The following ABCF3 variants were observed in gnomAD, a reference collection of about 807,000 sequenced individuals.
ABCF3 encodes ATP binding cassette subfamily F member 3, also known as ATP-binding cassette sub-family F member 3.
A neutral mutation model predicts 94.3 loss-of-function variants in ABCF3; 62 were observed. The observed-to-expected ratio is 0.66, with a 90% CI of 0.54 to 0.81. The LOEUF (loss-of-function observed/expected upper bound fraction) is 0.81, where lower values mean the gene tolerates loss of function less well. Among genes scored for constraint, ABCF3 ranks in the 40% least tolerant of loss-of-function variants. The pLI, the probability that ABCF3 is intolerant of heterozygous loss-of-function variation, is 0.00. For synonymous variants in ABCF3, 355 were observed against 361.1 expected (o/e 0.98, Z 0.19); for missense variants, 843 against 925.3 (o/e 0.91, Z 1.15).
At position 184,189,835 on chromosome 3, in the gene ABCF3, C is replaced by G. The variant is rs987847471; in HGVS notation, c.1315-20C>G. On this transcript the variant is annotated intron_variant, in intron 13 of 20. Transcript: ENST00000429586. ...GATAGTGGGGGAATTTGACCAATGC[C>G]TACACTCCTCCACCTGCAGGTTTTC... 6.2e-7 allele frequency: 1 copy of G among 1,614,050 alleles called. No individual in the cohort carries two copies. The highest frequency in any genetic ancestry group is 1.3e-5 in the African/African-American group (1 of 74,940).
At chr3:184,192,549 AC>A in intron 16 of ABCF3, 51 bp from the exon 17 acceptor site, 1 of 1,515,322 alleles carries the variant, frequency 6.6e-7, no homozygotes, top group African/African-American at 1.4e-5. Flanking sequence ...ATGAGAACAT[AC>A]CGTATTTATT....
chr3:184,191,749 C>CTTTTTTT lies in ABCF3; in HGVS notation c.1569+502_1569+508dup, dbSNP rs375009324. Among the ~76,000 whole-genome samples, 28 of 114,710 alleles carry CTTTTTTT rather than the reference C, an allele frequency of 2.4e-4. 1 individual carries two copies. Among genetic ancestry groups the CTTTTTTT allele is most frequent in the African/African-American group, 4.8e-4 (13 of 27,314 alleles). The allele number at this position is 114,710 out of a possible 152,430, so 75.3% of individuals were successfully genotyped here. A position where few individuals can be genotyped will look rare whatever the true frequency, so the allele number is the denominator to read the frequency against. On this transcript the variant is annotated intron_variant, in intron 16 of 20. Transcript: ENST00000429586. The stretch of plus-strand genomic sequence containing the variant: ...GCATTTTTCTGTAGAGTTAGAGTTC[C>CTTTTTTT]TTTTTTTTTTTTTTCGGAGACAGAG...
At chr3:184,188,629 G>A in intron 7 of ABCF3, 132 bp from the exon 8 acceptor site, 1 of 1,077,590 alleles carries the variant, frequency 9.3e-7, no homozygotes, top group Non-Finnish European at 1.3e-6. Flanking sequence ...AATGAGCACT[G>A]TGCAAACCCT....
In ABCF3 at chr3:184,193,861, G is replaced by A; in HGVS notation, c.*163G>A. 1 of 984,326 alleles carries A rather than the reference G, an allele frequency of 1.0e-6. No individual in the cohort carries two copies. Among genetic ancestry groups the A allele is most frequent in the Non-Finnish European group, 1.4e-6 (1 of 690,704 alleles). 61.0% of individuals were successfully genotyped at this position (984,326 alleles called of 1,614,324 possible). On this transcript the variant is annotated 3_prime_UTR_variant, in exon 21 of 21. Transcript: ENST00000429586. The surrounding 1 kb of genome is among the most constrained non-coding windows in gnomAD (Gnocchi z 5.2). ...ACTGGAGCATCTTCTGCACAACCTT[G>A]GGAGCCCATCCAAGGGTTGGTGAGG...
chr3:184,192,748 G>A lies in ABCF3; in HGVS notation c.1659-57G>A, dbSNP rs1560137184. ...ACATTTGCAGGCACCCATGCTGCCT[G>A]CGCTCCTTCGTGGCCATTGCCTTTG... On this transcript the variant is annotated intron_variant, in intron 17 of 20. Transcript: ENST00000429586. 1.5e-5 allele frequency: 24 copies of A among 1,610,222 alleles called. No homozygotes were observed. In the South Asian group the frequency reaches 2.4e-4, roughly 16 times the overall value.
At chr3:184,186,334 A>G in intron 1 of ABCF3, 54 bp downstream of exon 1, 1 of 1,610,432 alleles carries the variant, frequency 6.2e-7, no homozygotes, top group Middle Eastern at 1.7e-4. Context: ...GCCGGGGGAA[A>G]GTCTAAGCGA....
chr3:184,187,519 G>C, intron 4 of ABCF3, 76 bp downstream of exon 4: 1 of 1,554,284 alleles, frequency 6.4e-7, no homozygotes, highest in South Asian at 1.1e-5. Context: ...AGTATCTTTT[G>C]GGGGGATTTC....
In ABCF3 at chr3:184,192,663, T is replaced by G; in HGVS notation, c.1632T>G (p.Pro544=). The G allele has an allele frequency of 6.2e-7, 1 of 1,610,478 alleles. No individual in the cohort carries two copies. Among genetic ancestry groups the G allele is most frequent in the Non-Finnish European group, 8.5e-7 (1 of 1,179,098 alleles). The change falls in exon 17 of 21, where the codon CCT becomes CCG. Residue 544 remains proline (P), a synonymous_variant. Transcript: ENST00000429586. ...AGCTGCTTTTGGGGGACCTGGCACC[T>G]GTTCGGGGCATCAGACACGCTCACA... ...MLKLLLGDLA[P]VRGIRHAHRN...
chr3:184,190,909 CCTTT>C (rs778372638), intron 14 of ABCF3, 86 bp from the exon 15 acceptor site: 13 of 1,475,342 alleles, frequency 8.8e-6, no homozygotes, highest in Non-Finnish European at 1.1e-5. Flanking sequence ...GAGTACAAGC[CCTTT>C]CTAAGTTTTC....
chr3:184,190,259 G>A (rs559394776), intron 14 of ABCF3: 22 of 365,872 alleles, frequency 6.0e-5, no homozygotes, highest in South Asian at 3.8e-4. Flanking sequence ...ATATTGTAGC[G>A]TGCGTCAGAG....
At chr3:184,192,527 G>A (rs1716091826) in intron 16 of ABCF3, 74 bp from the exon 17 acceptor site, 2 of 1,367,572 alleles carry the variant, frequency 1.5e-6, no homozygotes, top group South Asian at 1.3e-5. Context: ...ACTTTTTAGT[G>A]CCCACATATG....
Position 184,190,982 on chromosome 3 carries a change from CTCA to C in ABCF3, c.1392-14_1392-12del. On this transcript the variant is annotated splice_polypyrimidine_tract_variant and intron_variant, in intron 14 of 20. Coordinates refer to ENST00000429586, the MANE Select transcript of ABCF3 (RefSeq NM_018358.3). ...TTTTTAAGTAATAAATCTAGTCTAC[CTCA>C]TCTCTTCTCCCAGGCCTGAGCTGAA... 1 of 1,613,740 alleles carries C rather than the reference CTCA, an allele frequency of 6.2e-7. No individual in the cohort carries two copies. The highest frequency in any genetic ancestry group is 8.5e-7 in the Non-Finnish European group (1 of 1,179,888).
At chr3:184,191,065 C>T (rs1204064864) in intron 15 of ABCF3, 22 bp downstream of exon 15, 5 of 1,614,206 alleles carry the variant, frequency 3.1e-6, no homozygotes, top group Non-Finnish European at 4.2e-6. Flanking sequence ...GCCAGTGGGG[C>T]TGGTGGGGAA....
chr3:184,192,596 T>G lies in ABCF3; in HGVS notation c.1570-5T>G, dbSNP rs1716098517. The G allele has an allele frequency of 6.2e-7, 1 of 1,606,696 alleles. No homozygotes were observed. On this transcript the variant is annotated splice_polypyrimidine_tract_variant and splice_region_variant and intron_variant, in intron 16 of 20. Coordinates refer to ENST00000429586, the MANE Select transcript of ABCF3 (RefSeq NM_018358.3). ...ACACTGTATGACATTTTCATGTTTC[T>G]TAAGGTTGGAGAGAATGGGGCTGGG...
chr3:184,190,977 T>C (rs1715981995), intron 14 of ABCF3, 22 bp from the exon 15 acceptor site: 1 of 1,613,502 alleles, frequency 6.2e-7, no homozygotes, highest in Non-Finnish European at 8.5e-7. Context: ...ATAAATCTAG[T>C]CTACCTCATC....
At chr3:184,191,911 A>AT (rs1213714781) in intron 16 of ABCF3, among the ~76,000 whole-genome samples, 1 of 151,542 alleles carries the variant, frequency 6.6e-6, no homozygotes, top group South Asian at 2.1e-4. Context: ...TGCCCAGCTA[A>AT]TTTTTTGCAT....
chr3:184,188,252 T>A lies in ABCF3; in HGVS notation c.681T>A (p.Ser227Arg). 1.2e-6 allele frequency: 2 copies of A among 1,613,868 alleles called. No individual in the cohort carries two copies. Among genetic ancestry groups the A allele is most frequent in the Non-Finnish European group, 1.7e-6 (2 of 1,179,990 alleles). ...TTLLKMLATR[S>R]LRVPAHISLL... ...TACTGAAGATGCTGGCCACCCGGAG[T>A]CTGCGGGTTCCAGCCCACATTTCCC... is the stretch of plus-strand genomic sequence containing the variant. The change falls in exon 7 of 21, where the codon AGT (serine) becomes AGA (arginine). Residue 227 changes from serine (S) to arginine (R), a missense_variant. Transcript: ENST00000429586.
chr3:184,188,118 G>A (rs1236920752), intron 6 of ABCF3, 23 bp from the exon 7 acceptor site: 1 of 1,610,896 alleles, frequency 6.2e-7, no homozygotes, highest in Non-Finnish European at 8.5e-7. Flanking sequence ...AGCATCTTTG[G>A]TCTCCTTTCT....
At chr3:184,192,753 C>T in intron 17 of ABCF3, 52 bp from the exon 18 acceptor site, 1 of 1,610,074 alleles carries the variant, frequency 6.2e-7, no homozygotes, top group Non-Finnish European at 8.5e-7. Flanking sequence ...TGCCTGCGCT[C>T]CTTCGTGGCC....
Sources: gnomAD v4.1 joint callset for allele counts (sites outside exome capture counted in the v4.1 genomes callset) on GRCh38, gnomAD v4.1.1 for gene constraint, Gnocchi (gnomAD v3.1) non-coding constraint, MANE v1.5 for transcripts, NCBI Gene and HGNC (gene_info 2026-07-23, HGNC 2026-07-21) for gene names.